The following RPS5 variants were observed in gnomAD, a reference collection of about 807,000 sequenced individuals.
RPS5 encodes ribosomal protein S5, also known as small ribosomal subunit protein uS7.
Under a neutral mutation model 20.9 loss-of-function variants are expected in RPS5, and 2 were observed. That is an observed-to-expected ratio of 0.10 (90% CI 0.04 to 0.30). RPS5 has a LOEUF of 0.30. Among genes scored for constraint, RPS5 ranks in the 10% least tolerant of loss-of-function variants. The probability of loss-of-function intolerance (pLI) is 1.00; values close to 1 mark genes in which losing one functional copy is unlikely to be tolerated. For missense variants in RPS5, 122 were observed against 287.2 expected (o/e 0.42, Z 4.16); for synonymous variants, 112 against 105.8 (o/e 1.06, Z -0.36).
At chr19:58,391,538 G>A (rs10419106) in intron 2 of RPS5, among the ~76,000 whole-genome samples, 10,445 of 152,020 alleles carry the variant, frequency 0.069, 1,209 homozygotes, top group African/African-American at 0.24. Flanking sequence ...AGGAGGTGGA[G>A]GTTGCAGTGA....
intron 2 of RPS5, among the ~76,000 whole-genome samples, chr19:58,390,402 T>C (rs1016389441): frequency 1.3e-5 from 2 of 151,086 alleles, no homozygotes; most frequent in African/African-American, 4.9e-5. Context: ...TTTTAGACTT[T>C]GTGGGCCACA....
chr19:58,393,734 G>A (rs1205774971), intron 4 of RPS5: 4 of 456,716 alleles, frequency 8.8e-6, no homozygotes, highest in East Asian at 3.6e-5. Flanking sequence ...GTGTGTATAT[G>A]TACTTTTTTT....
intron 2 of RPS5, chr19:58,388,693 A>C (rs1472291616): frequency 3.1e-6 from 1 of 325,914 alleles, no homozygotes; most frequent in Non-Finnish European, 5.2e-6. Context: ...CCTGGGCTGG[A>C]GTGCAGTGAC....
At chr19:58,394,418 C>A in intron 4 of RPS5, 79 bp from the exon 5 acceptor site, 1 of 1,221,970 alleles carries the variant, frequency 8.2e-7, no homozygotes, top group Non-Finnish European at 1.2e-6. Context: ...ACGTGGCTGG[C>A]AGCATCAGTT....
chr19:58,392,194 C>T (rs996894100), intron 2 of RPS5, among the ~76,000 whole-genome samples: 4 of 150,720 alleles, frequency 2.7e-5, no homozygotes, highest in Admixed American at 6.6e-5. Flanking sequence ...CTTGGTGGCG[C>T]GTGCCTGTAA....
rs1386862066 is a variant in RPS5 at position 58,388,004 on chromosome 19, G to T, written c.-1-133G>T. 4.8e-6 allele frequency: 3 copies of T among 625,710 alleles called. No individual in the cohort carries two copies. The Admixed American group carries it at 8.2e-5, about 17-fold the overall frequency. The allele number at this position is 625,710 out of a possible 1,614,324, so 38.8% of individuals were successfully genotyped here. A position where few individuals can be genotyped will look rare whatever the true frequency, so the allele number is the denominator to read the frequency against. On this transcript the variant is annotated intron_variant, in intron 1 of 5. Transcript: ENST00000196551. The stretch of plus-strand genomic sequence containing the variant: ...TTCTAGTGCTTGAAAACACGTTCAC[G>T]GCCTTTCTTGGTCCTTTGCGACCCC...
intron 2 of RPS5, among the ~76,000 whole-genome samples, chr19:58,392,332 A>C (rs8110182): frequency 6.7e-6 from 1 of 148,584 alleles, no homozygotes; most frequent in Non-Finnish European, 1.5e-5. Context: ...AAGGGGGGGA[A>C]AAAAAAAACT....
rs2052386416 is a variant in RPS5, at chr19:58,394,803, C to T, written c.*53C>T. The T allele has an allele frequency of 1.9e-6, 3 of 1,573,212 alleles. No individual in the cohort carries two copies. The Admixed American group carries it at 5.0e-5, about 26-fold the overall frequency. ...GTCTGCCCTTTGGGGCAGTCCCAGC[C>T]ACCTGTGCTGTTGTCTGTCTTCGGT... On this transcript the variant is annotated 3_prime_UTR_variant, in exon 6 of 6. Transcript: ENST00000196551.
In RPS5 at chr19:58,388,404, C is replaced by G. The variant is rs766599120; in HGVS notation, c.108+159C>G. On this transcript the variant is annotated intron_variant, in intron 2 of 5. Transcript: ENST00000196551. ...ACCACATCTACCACATCTGCTCTTA[C>G]GTCCTGTTCAAAGATGACTACAACT... 8.1e-6 allele frequency: 5 copies of G among 619,610 alleles called. No homozygotes were observed. In the Admixed American group the frequency reaches 1.3e-4, roughly 16 times the overall value. The allele number at this position is 619,610 out of a possible 1,614,324, so 38.4% of individuals were successfully genotyped here.
rs1334437943 is a variant in RPS5 at position 58,387,303 on chromosome 19, A to T, written c.-38A>T. 6.6e-6 allele frequency: 1 copy of T among 152,254 alleles called. No individual in the cohort carries two copies. The highest frequency in any genetic ancestry group is 1.9e-4 in the East Asian group (1 of 5,190). 9.4% of individuals were successfully genotyped at this position (152,254 alleles called of 1,614,324 possible). A position where few individuals can be genotyped will look rare whatever the true frequency, so the allele number is the denominator to read the frequency against. ...TCTGTACCAGGGCGGCGCGTGGTCT[A>T]CGCCGAGTGACAGAGACGCTCAGGC... is the stretch of plus-strand genomic sequence containing the variant. On this transcript the variant is annotated 5_prime_UTR_variant, in exon 1 of 6. Transcript: ENST00000196551.
At chr19:58,388,635 A>ATTT (rs1436849564) in intron 2 of RPS5, 81 of 200,322 alleles carry the variant, frequency 4.0e-4, no homozygotes, top group South Asian at 4.5e-4. Flanking sequence ...AGCTGGCCGT[A>ATTT]GTTTTTTTTT....
chr19:58,393,190 G>A lies in RPS5; in HGVS notation c.318+5G>A. ...ATACACCTGCTCACAGGCGAGGTAGGGCTCTGTGGCCTGGTGAGGGCAGGC... is the reference window on the plus strand; with the variant it reads ...ATACACCTGCTCACAGGCGAGGTAGAGCTCTGTGGCCTGGTGAGGGCAGGC... On this transcript the variant is annotated splice_donor_5th_base_variant and intron_variant, in intron 3 of 5. Coordinates refer to ENST00000196551, the MANE Select transcript of RPS5 (RefSeq NM_001009.4). 6.2e-7 allele frequency: 1 copy of A among 1,614,172 alleles called. No homozygotes were observed. The highest frequency in any genetic ancestry group is 8.5e-7 in the Non-Finnish European group (1 of 1,180,012).
At chr19:58,388,023 CG>C in intron 1 of RPS5, 113 bp from the exon 2 acceptor site, 1 of 676,814 alleles carries the variant, frequency 1.5e-6, no homozygotes, top group Non-Finnish European at 2.6e-6. Context: ...TGGTCCTTTG[CG>C]ACCCCCCAGT....
chr19:58,387,338 A>G lies in RPS5; in HGVS notation c.-3A>G, dbSNP rs1489370744. ...ACAGAGACGCTCAGGCTGTGTTCTC[A>G]GGTGAGACCGCCGCGGGGCCGGGGA... On this transcript the variant is annotated splice_region_variant and 5_prime_UTR_variant, in exon 1 of 6. Transcript: ENST00000196551. The G allele has an allele frequency of 2.0e-5, 3 of 152,394 alleles. No individual in the cohort carries two copies. In the East Asian group the frequency reaches 5.8e-4, roughly 29 times the overall value. The allele number at this position is 152,394 out of a possible 1,614,324, so 9.4% of individuals were successfully genotyped here. A position where few individuals can be genotyped will look rare whatever the true frequency, so the allele number is the denominator to read the frequency against.
At chr19:58,394,371 G>T in intron 4 of RPS5, 126 bp from the exon 5 acceptor site, 1 of 719,682 alleles carries the variant, frequency 1.4e-6, no homozygotes, top group Non-Finnish European at 2.4e-6. Context: ...CAGGCATGAT[G>T]CCACCACCTC....
Position 58,393,165 on chromosome 19 carries a change from A to G in RPS5, c.298A>G (p.Ile100Val). 1 of 1,614,008 alleles carries G rather than the reference A, an allele frequency of 6.2e-7. No homozygotes were observed. The highest frequency in any genetic ancestry group is 1.1e-5 in the South Asian group (1 of 91,064). Residue 100 changes from isoleucine to valine, a missense_variant, in exon 3 of 6, where the codon ATA becomes GTA. Ile to Val is a conservative substitution (Grantham distance 29). Around this residue, in one of 6 missense-constraint regions of RPS5, gnomAD observed 49 missense variants for 64.9 expected, o/e 0.75. Coordinates refer to ENST00000196551, the MANE Select transcript of RPS5 (RefSeq NM_001009.4). ...CATCGTCAAGCATGCCTTCGAGATC[A>G]TACACCTGCTCACAGGCGAGGTAGG... ...VRIVKHAFEI[I>V]HLLTGENPLQ...
At chr19:58,389,488 G>A (rs1284599362) in intron 2 of RPS5, among the ~76,000 whole-genome samples, 1 of 152,130 alleles carries the variant, frequency 6.6e-6, no homozygotes, top group African/African-American at 2.4e-5. Flanking sequence ...AAAGATGTCA[G>A]GGGACTTAGG....
At chr19:58,387,886 C>CA (rs1305859512) in intron 1 of RPS5, 1 of 531,488 alleles carries the variant, frequency 1.9e-6, no homozygotes, top group Non-Finnish European at 3.4e-6. Flanking sequence ...ACCTTGGTCC[C>CA]AGTGCAGCAG....
chr19:58,387,600 G>C (rs961190868), intron 1 of RPS5: 1 of 153,104 alleles, frequency 6.5e-6, no homozygotes, highest in Admixed American at 6.5e-5. Flanking sequence ...ATTTCTTAGG[G>C]ACACGATGCC....
Sources: gnomAD v4.1 joint callset for allele counts (sites outside exome capture counted in the v4.1 genomes callset) on GRCh38, gnomAD v4.1.1 for gene constraint, gnomAD v4.1.1 regional missense constraint, MANE v1.5 for transcripts, NCBI Gene and HGNC (gene_info 2026-07-23, HGNC 2026-07-21) for gene names.